Variants in ZDHHC2 observed in about 807,000 individuals in gnomAD.
The protein encoded by ZDHHC2 is palmitoyltransferase ZDHHC2.
In ZDHHC2, 51 loss-of-function variants were observed where a neutral mutation model predicts 55.6. The observed-to-expected ratio is 0.92, with a 90% confidence interval of 0.73 to 1.16. The LOEUF is 1.16. Among genes scored for constraint, ZDHHC2 ranks in the 50% most tolerant of loss-of-function variants. The pLI is 0.00. For missense variants in ZDHHC2, 491 were observed against 442.4 expected (o/e 1.11, Z -0.99); for synonymous variants, 199 against 152.9 (o/e 1.30, Z -2.22).
At chr8:17,203,423 G>A (rs920668740) in intron 6 of ZDHHC2, among the ~76,000 whole-genome samples, 1 of 151,994 alleles carries the variant, frequency 6.6e-6, no homozygotes, top group Non-Finnish European at 1.5e-5. Context: ...GTAGAGACGG[G>A]TTTTCACCAA....
chr8:17,191,582 C>T (rs1806032956), intron 3 of ZDHHC2, among the ~76,000 whole-genome samples: 2 of 152,162 alleles, frequency 1.3e-5, no homozygotes, highest in Admixed American at 6.5e-5. Context: ...CTTTCTCTGC[C>T]TTGCTTATTT....
intron 11 of ZDHHC2, 113 bp from the exon 12 acceptor site, chr8:17,217,059 A>G: frequency 1.0e-6 from 1 of 965,356 alleles, no homozygotes; most frequent in East Asian, 2.6e-5. Flanking sequence ...CTTATTATGT[A>G]CAAGGCACCT....
Position 17,175,160 on chromosome 8 carries a change from T to C in ZDHHC2, c.131-9629T>C, listed in dbSNP as rs141367545. 4.0e-4 allele frequency among the ~76,000 whole-genome samples: 61 copies of C among 152,192 alleles called. No homozygotes were observed. In the East Asian group the frequency reaches 0.011, roughly 28 times the overall value. On this transcript the variant is annotated intron_variant, in intron 1 of 12. Coordinates refer to ENST00000262096, the MANE Select transcript of ZDHHC2 (RefSeq NM_016353.5). Reference sequence around the variant, plus strand: ...TGTTCTGAGGTAGAGGCTGGGGAAATCATCAGACTCCATAGGGCGTTGGCA... The same window carrying C: ...TGTTCTGAGGTAGAGGCTGGGGAAACCATCAGACTCCATAGGGCGTTGGCA...
chr8:17,199,773 T>A (rs1806643894), intron 6 of ZDHHC2, among the ~76,000 whole-genome samples: 1 of 149,322 alleles, frequency 6.7e-6, no homozygotes, highest in South Asian at 2.1e-4. Flanking sequence ...TTTTTTTTTT[T>A]TTTTGAGACA....
intron 1 of ZDHHC2, among the ~76,000 whole-genome samples, chr8:17,178,385 T>C (rs112510194): frequency 5.3e-4 from 80 of 152,274 alleles, no homozygotes; most frequent in Admixed American, 3.2e-3. Flanking sequence ...TATTAATATA[T>C]AGTATCTATA....
intron 1 of ZDHHC2, among the ~76,000 whole-genome samples, chr8:17,174,356 T>C (rs541610757): frequency 3.2e-4 from 48 of 152,306 alleles, no homozygotes; most frequent in Middle Eastern, 3.4e-3. Context: ...TACTTTGTTA[T>C]GACAGCTGTA....
chr8:17,177,533 G>A (rs1286791521), intron 1 of ZDHHC2, among the ~76,000 whole-genome samples: 1 of 152,100 alleles, frequency 6.6e-6, no homozygotes, highest in Non-Finnish European at 1.5e-5. Flanking sequence ...TGTTTTTTCA[G>A]TTAGTTTTTA....
intron 12 of ZDHHC2, among the ~76,000 whole-genome samples, chr8:17,219,252 TAAAAAAAAAAAAAAAA>T (rs71212684): frequency 4.0e-5 from 2 of 49,550 alleles, no homozygotes; most frequent in South Asian, 1.3e-3. Flanking sequence ...AGCAAGACTC[TAAAAAAAAAAAAAAAA>T]AAAAAAAAAA....
intron 1 of ZDHHC2, among the ~76,000 whole-genome samples, chr8:17,178,527 G>A (rs1470718862): frequency 6.6e-6 from 1 of 152,120 alleles, no homozygotes; most frequent in Non-Finnish European, 1.5e-5. Context: ...TACTTTCCCT[G>A]TCTCAGCTAC....
At chr8:17,179,541 C>T (rs1028376254) in intron 1 of ZDHHC2, among the ~76,000 whole-genome samples, 1 of 152,060 alleles carries the variant, frequency 6.6e-6, no homozygotes, top group East Asian at 1.9e-4. Flanking sequence ...TCCCAAGTAG[C>T]TGGGACCACA....
At chr8:17,183,703 G>A (rs1805551694) in intron 1 of ZDHHC2, among the ~76,000 whole-genome samples, 1 of 152,118 alleles carries the variant, frequency 6.6e-6, no homozygotes, top group Non-Finnish European at 1.5e-5. Flanking sequence ...TGTTGCTATG[G>A]TTTGGAAGCC....
chr8:17,197,612 T>C lies in ZDHHC2; in HGVS notation c.404T>C (p.Ile135Thr), dbSNP rs1806386192. The C allele has an allele frequency of 3.1e-6, 5 of 1,613,802 alleles. No individual in the cohort carries two copies. The highest frequency in any genetic ancestry group is 2.2e-5 in the South Asian group (2 of 91,080). Residue 135 changes from isoleucine (I) to threonine (T), a missense_variant, in exon 5 of 13, where the codon ATA (isoleucine) becomes ACA (threonine). Physicochemically the swap from Ile to Thr is moderately conservative, Grantham distance 89. Coordinates refer to ENST00000262096, the MANE Select transcript of ZDHHC2 (RefSeq NM_016353.5). ...AIRYCDRCQL[I>T]KPDRCHHCSV... Reference sequence around the variant, plus strand: ...CGATACTGTGACAGATGCCAACTTATAAAACCAGATCGCTGCCATCACTGC... The same window carrying C: ...CGATACTGTGACAGATGCCAACTTACAAAACCAGATCGCTGCCATCACTGC...
At chr8:17,188,297 G>T (rs1007465649) in intron 3 of ZDHHC2, among the ~76,000 whole-genome samples, 2 of 151,932 alleles carry the variant, frequency 1.3e-5, no homozygotes, top group Non-Finnish European at 2.9e-5. Context: ...CCAATGTAAC[G>T]CCTTCCCTCT....
intron 4 of ZDHHC2, among the ~76,000 whole-genome samples, chr8:17,196,126 A>G (rs1023642104): frequency 9.9e-5 from 15 of 152,274 alleles, no homozygotes; most frequent in African/African-American, 3.6e-4. Context: ...ATAAATTAAC[A>G]AATCTCTTAC....
At chr8:17,168,205 G>T (rs908154519) in intron 1 of ZDHHC2, among the ~76,000 whole-genome samples, 2 of 152,070 alleles carry the variant, frequency 1.3e-5, no homozygotes, top group Admixed American at 6.5e-5. Flanking sequence ...ATTTTGGCTC[G>T]GCATTCTTTT....
chr8:17,201,481 CTTTTTTTTTTTTTTTTT>C (rs1171396792), intron 6 of ZDHHC2, among the ~76,000 whole-genome samples: 1 of 24,332 alleles, frequency 4.1e-5, no homozygotes, highest in Admixed American at 7.2e-4. Flanking sequence ...CTCTCTCTCT[CTTTTTTTTTTTTTTTTT>C]TTTTTTTTTT....
chr8:17,158,175 CGTCAA>C (rs1224439006), intron 1 of ZDHHC2, among the ~76,000 whole-genome samples: 2 of 151,944 alleles, frequency 1.3e-5, no homozygotes, highest in Non-Finnish European at 2.9e-5. Context: ...GGTATGCAGT[CGTCAA>C]GTCATCTAAA....
At chr8:17,200,865 G>A (rs1430468431) in intron 6 of ZDHHC2, among the ~76,000 whole-genome samples, 3 of 152,058 alleles carry the variant, frequency 2.0e-5, no homozygotes, top group Non-Finnish European at 2.9e-5. Context: ...AACTGACTGC[G>A]GTACCTTTTA....
intron 4 of ZDHHC2, among the ~76,000 whole-genome samples, chr8:17,195,829 G>T (rs1426776331): frequency 2.0e-5 from 3 of 151,930 alleles, no homozygotes; most frequent in Non-Finnish European, 4.4e-5. Context: ...GAGATCGCAA[G>T]GAAATCAGAA....
Sources: allele counts gnomAD v4.1 joint callset (sites outside exome capture counted in the v4.1 genomes callset), GRCh38; gene constraint gnomAD v4.1.1; transcripts MANE v1.5; gene names NCBI Gene and HGNC (gene_info 2026-07-23, HGNC 2026-07-21).